The following DEUP1 variants were observed in gnomAD, a reference collection of about 807,000 sequenced individuals.
The protein encoded by DEUP1 is deuterosome assembly protein 1, also known as coiled-coil domain containing 67.
DEUP1 carries 82 observed loss-of-function variants against 87.4 expected under a neutral mutation model. That is an observed-to-expected ratio of 0.94 (90% CI 0.78 to 1.13). The LOEUF (loss-of-function observed/expected upper bound fraction) is 1.13. DEUP1 is among the 50% of genes most tolerant of loss of function. DEUP1 has a pLI of 0.00. For synonymous variants in DEUP1, 214 were observed against 222.7 expected (o/e 0.96, Z 0.35); for missense variants, 663 against 681.5 (o/e 0.97, Z 0.30).
chr11:93,372,286 GT>G (rs1411670408), intron 7 of DEUP1, among the ~76,000 whole-genome samples: 1 of 151,982 alleles, frequency 6.6e-6, no homozygotes, highest in Admixed American at 6.6e-5. Flanking sequence ...CCCATTTTAG[GT>G]TTTTTCTCCC....
intron 5 of DEUP1, among the ~76,000 whole-genome samples, chr11:93,368,118 T>C (rs1945514129): frequency 6.6e-6 from 1 of 152,224 alleles, no homozygotes; most frequent in Non-Finnish European, 1.5e-5. Context: ...CTGCACTACT[T>C]GAGCAAAAAC....
At chr11:93,348,575 T>G (rs1417866656) in intron 2 of DEUP1, among the ~76,000 whole-genome samples, 1 of 152,246 alleles carries the variant, frequency 6.6e-6, no homozygotes, top group Non-Finnish European at 1.5e-5. Flanking sequence ...GACTTCTGCC[T>G]TAATTTCATT....
intron 2 of DEUP1, among the ~76,000 whole-genome samples, chr11:93,333,717 C>G (rs1469248700): frequency 2.6e-5 from 4 of 152,142 alleles, no homozygotes; most frequent in Admixed American, 6.5e-5. Context: ...AGAATATACA[C>G]CAGGTTAGTA....
At chr11:93,419,654 G>A (rs1947799189) in intron 13 of DEUP1, among the ~76,000 whole-genome samples, 1 of 152,030 alleles carries the variant, frequency 6.6e-6, no homozygotes, top group South Asian at 2.1e-4. Context: ...ATTTTAAGGA[G>A]TAGTTTCAAG....
At chr11:93,406,365 C>T (rs1947276426) in intron 11 of DEUP1, among the ~76,000 whole-genome samples, 1 of 151,806 alleles carries the variant, frequency 6.6e-6, no homozygotes, top group African/African-American at 2.4e-5. Flanking sequence ...ATATAATTTG[C>T]TGAATCATCC....
At chr11:93,418,565 C>T (rs932123042) in intron 13 of DEUP1, among the ~76,000 whole-genome samples, 6 of 151,468 alleles carry the variant, frequency 4.0e-5, no homozygotes, top group Admixed American at 2.0e-4. Context: ...GAAATAGTAA[C>T]ACTTTTACAC....
chr11:93,428,104 C>G (rs1021676980), intron 13 of DEUP1, among the ~76,000 whole-genome samples: 5 of 152,088 alleles, frequency 3.3e-5, no homozygotes, highest in African/African-American at 1.2e-4. Flanking sequence ...CCTATATACC[C>G]AAAGGATTAT....
rs190074556 is a variant in DEUP1, at chr11:93,345,096, G to A, written c.30-10275G>A. On this transcript the variant is annotated intron_variant, in intron 2 of 13. Transcript: ENST00000298050. ...CATCATTCAGCTCCCACTTATAAGTGAGAACATGTGACATTTAGTTTTCCG... is the reference window on the plus strand; with the variant it reads ...CATCATTCAGCTCCCACTTATAAGTAAGAACATGTGACATTTAGTTTTCCG... 6.8e-4 allele frequency among the ~76,000 whole-genome samples: 103 copies of A among 152,198 alleles called. 1 individual carries two copies. Among genetic ancestry groups the A allele is most frequent in the African/African-American group, 2.4e-3 (98 of 41,530 alleles).
intron 6 of DEUP1, 148 bp from the exon 7 acceptor site, chr11:93,370,890 A>AT (rs1441027132): frequency 1.4e-6 from 1 of 703,464 alleles, no homozygotes; most frequent in African/African-American, 1.8e-5. Flanking sequence ...TAAAACAAAT[A>AT]TAAGACTGAA....
intron 7 of DEUP1, among the ~76,000 whole-genome samples, chr11:93,377,367 G>A (rs12272610): frequency 0.24 from 36,874 of 152,028 alleles, 4,801 homozygotes; most frequent in South Asian, 0.38. Flanking sequence ...ATTATATAAT[G>A]TCCCTTTTTG....
chr11:93,418,387 T>C (rs1345021715), intron 13 of DEUP1, among the ~76,000 whole-genome samples: 1 of 152,000 alleles, frequency 6.6e-6, no homozygotes, highest in Non-Finnish European at 1.5e-5. Flanking sequence ...GAACAGACAC[T>C]TCTCAAAAGA....
Position 93,364,150 on chromosome 11 carries a change from T to C in DEUP1, c.298-10T>C. 6.5e-7 allele frequency: 1 copy of C among 1,543,060 alleles called. No individual in the cohort carries two copies. The highest frequency in any genetic ancestry group is 8.9e-7 in the Non-Finnish European group (1 of 1,126,346). ...AATAGTAAAATGTTAACATTTTCTG[T>C]GATTTACAGTTTTCCAAACTAACAA... On this transcript the variant is annotated splice_polypyrimidine_tract_variant and intron_variant, in intron 4 of 13. Coordinates refer to ENST00000298050, the MANE Select transcript of DEUP1 (RefSeq NM_181645.4).
intron 13 of DEUP1, among the ~76,000 whole-genome samples, chr11:93,436,015 T>G (rs544646713): frequency 6.7e-6 from 1 of 149,960 alleles, no homozygotes; most frequent in Non-Finnish European, 1.5e-5. Context: ...AAAAAAAAAT[T>G]TTTTCTGTGT....
chr11:93,388,057 C>CA (rs1310953421), intron 8 of DEUP1, among the ~76,000 whole-genome samples: 14 of 151,932 alleles, frequency 9.2e-5, no homozygotes, highest in Non-Finnish European at 2.1e-4. Flanking sequence ...TTGATAATCA[C>CA]AAAAAAAGCA....
At chr11:93,351,808 A>C (rs1194486268) in intron 2 of DEUP1, among the ~76,000 whole-genome samples, 1 of 152,252 alleles carries the variant, frequency 6.6e-6, no homozygotes, top group Non-Finnish European at 1.5e-5. Context: ...AAACTGGTGA[A>C]TATCATATTG....
At chr11:93,390,347 T>C (rs1249061706) in intron 9 of DEUP1, among the ~76,000 whole-genome samples, 1 of 152,188 alleles carries the variant, frequency 6.6e-6, no homozygotes, top group African/African-American at 2.4e-5. Context: ...TGCTAATTTC[T>C]ATAGGAAACA....
intron 9 of DEUP1, among the ~76,000 whole-genome samples, chr11:93,391,958 T>TA (rs1046825914): frequency 5.6e-4 from 85 of 152,236 alleles, no homozygotes; most frequent in African/African-American, 1.9e-3. Context: ...GACTCTTTTT[T>TA]AAAAAAATCT....
At chr11:93,428,214 G>C (rs1947990642) in intron 13 of DEUP1, among the ~76,000 whole-genome samples, 1 of 152,048 alleles carries the variant, frequency 6.6e-6, no homozygotes, top group Admixed American at 6.6e-5. Flanking sequence ...AACAATGATA[G>C]ACTGGATTAA....
At chr11:93,371,367 G>A (rs1456324578) in intron 7 of DEUP1, 87 bp downstream of exon 7, 9 of 1,321,762 alleles carry the variant, frequency 6.8e-6, no homozygotes, top group Non-Finnish European at 9.2e-6. Context: ...TAGAATGGTA[G>A]TTTTCTATTA....
Sources: allele counts gnomAD v4.1 joint callset (sites outside exome capture counted in the v4.1 genomes callset), GRCh38; gene constraint gnomAD v4.1.1; transcripts MANE v1.5; gene names NCBI Gene and HGNC (gene_info 2026-07-23, HGNC 2026-07-21).